Variants in GOSR2 observed in about 807,000 individuals in gnomAD.
GOSR2 encodes 27 kDa Golgi SNARE protein.
A neutral mutation model predicts 27.9 loss-of-function variants in GOSR2; 20 were observed. That is an observed-to-expected ratio of 0.72 (90% CI 0.50 to 1.04). The LOEUF (loss-of-function observed/expected upper bound fraction) is 1.04, where lower values mean the gene tolerates loss of function less well. Ranked by LOEUF, GOSR2 falls within the 50% of genes least tolerant of loss-of-function variation. The pLI, the probability that GOSR2 is intolerant of heterozygous loss-of-function variation, is 0.00. For missense variants in GOSR2, 261 were observed against 270.5 expected, an observed-to-expected ratio of 0.97 and a Z score of 0.25; for synonymous variants, 91 against 98.8, an observed-to-expected ratio of 0.92 and a Z score of 0.47.
At chr17:46,971,999 G>A (rs2091397460), downstream of GOSR2, among the ~76,000 whole-genome samples, 1 of 152,350 alleles carries the variant, frequency 6.6e-6, no homozygotes, top group Middle Eastern at 3.4e-3. Flanking sequence ...GGTAGGCAGA[G>A]GGCACAGGGC....
chr17:46,947,264 T>C (rs1233710451), intron 6 of GOSR2, among the ~76,000 whole-genome samples: 1 of 152,142 alleles, frequency 6.6e-6, no homozygotes, highest in Non-Finnish European at 1.5e-5. Context: ...GCCTCCTCTT[T>C]GGTGTATGTG....
At chr17:46,936,036 G>A (rs2088273387) in intron 5 of GOSR2, 1 of 985,804 alleles carries the variant, frequency 1.0e-6, no homozygotes, top group South Asian at 4.7e-5. Flanking sequence ...GTACGTTTCT[G>A]AACAGTCCCT....
intron 1 of GOSR2, chr17:46,923,540 C>T (rs913969526): frequency 9.1e-6 from 12 of 1,323,714 alleles, no homozygotes; most frequent in Non-Finnish European, 1.2e-5. Flanking sequence ...CTTGTCAACT[C>T]GGTGCTCCTG....
intron 6 of GOSR2, among the ~76,000 whole-genome samples, chr17:46,961,370 T>A (rs1200066664): frequency 6.6e-6 from 1 of 152,092 alleles, no homozygotes; most frequent in Non-Finnish European, 1.5e-5. Context: ...AGACCCCATC[T>A]CTACAAAAAA....
chr17:46,925,392 A>G (rs1184297248), intron 1 of GOSR2, among the ~76,000 whole-genome samples: 2 of 152,232 alleles, frequency 1.3e-5, no homozygotes, highest in Non-Finnish European at 2.9e-5. Flanking sequence ...CACCATTCTC[A>G]GTGCTGGCAG....
chr17:46,939,232 C>T lies in GOSR2; in HGVS notation c.*472C>T, dbSNP rs2147061639. 2 of 1,047,360 alleles carry T rather than the reference C, an allele frequency of 1.9e-6. No homozygotes were observed. The highest frequency in any genetic ancestry group is 2.3e-6 in the Non-Finnish European group (2 of 864,786). 64.9% of individuals were successfully genotyped at this position (1,047,360 alleles called of 1,614,324 possible). A position where few individuals can be genotyped will look rare whatever the true frequency, so the allele number is the denominator to read the frequency against. The stretch of plus-strand genomic sequence containing the variant: ...ACAGCCATTATATTAAATAGTAGGT[C>T]GATTCACATCCTCGTGCTCCTGGCC... On this transcript the variant is annotated 3_prime_UTR_variant, in exon 6 of 6. Coordinates refer to ENST00000640051, the MANE Select transcript of GOSR2 (RefSeq NM_004287.5).
intron 1 of GOSR2, among the ~76,000 whole-genome samples, chr17:46,927,756 A>G (rs1290805079): frequency 6.6e-6 from 1 of 151,876 alleles, no homozygotes; most frequent in Non-Finnish European, 1.5e-5. Flanking sequence ...TATTGTTTCC[A>G]TTGTTACTGC....
At chr17:46,973,273 T>A (rs1008109844) in intron 6 of GOSR2, among the ~76,000 whole-genome samples, 1 of 151,896 alleles carries the variant, frequency 6.6e-6, no homozygotes, top group African/African-American at 2.4e-5. Context: ...CAATCTCATA[T>A]GACAGCTGGC....
At position 46,939,984 on chromosome 17, in the gene GOSR2, A is replaced by G. The variant is rs146088780; in HGVS notation, c.*1224A>G. 54 of 1,010,432 alleles carry G rather than the reference A, an allele frequency of 5.3e-5. No individual in the cohort carries two copies. The highest frequency in any genetic ancestry group is 5.1e-4 in the Middle Eastern group (1 of 1,980). The allele number at this position is 1,010,432 out of a possible 1,614,324, so 62.6% of individuals were successfully genotyped here. On this transcript the variant is annotated 3_prime_UTR_variant, in exon 6 of 6. Coordinates refer to ENST00000640051, the MANE Select transcript of GOSR2 (RefSeq NM_004287.5). Reference sequence around the variant, plus strand: ...CATGGCAAGACATAAAATGACACTCAAAATCCTTCAGATCTGGAAACCGGC... The same window carrying G: ...CATGGCAAGACATAAAATGACACTCGAAATCCTTCAGATCTGGAAACCGGC...
At position 46,940,926 on chromosome 17, in the gene GOSR2, T is replaced by C. The variant is rs1315565826; in HGVS notation, c.*2166T>C. The C allele has an allele frequency of 4.6e-6, 6 of 1,307,816 alleles. No individual in the cohort carries two copies. Among genetic ancestry groups the C allele is most frequent in the East Asian group, 3.6e-5 (1 of 27,970 alleles). 81.0% of individuals were successfully genotyped at this position (1,307,816 alleles called of 1,614,324 possible). ...TCTGCTTTCAGTGCCTGGTGAAAAA[T>C]AGACCTTGGCCTAACAGTGTGACTC... On this transcript the variant is annotated 3_prime_UTR_variant, in exon 6 of 6. Coordinates refer to ENST00000640051, the MANE Select transcript of GOSR2 (RefSeq NM_004287.5).
intron 5 of GOSR2, chr17:46,935,479 T>C: frequency 1.5e-6 from 2 of 1,362,992 alleles, no homozygotes; most frequent in South Asian, 1.9e-5. Context: ...GGCTGAGAAA[T>C]TGTGTTACAG....
chr17:46,934,503 C>T (rs901399036), intron 4 of GOSR2, among the ~76,000 whole-genome samples: 1 of 152,132 alleles, frequency 6.6e-6, no homozygotes, highest in Non-Finnish European at 1.5e-5. Context: ...CCCTGGGTGA[C>T]AGAGGGAAAC....
intron 4 of GOSR2, among the ~76,000 whole-genome samples, chr17:46,934,778 T>C (rs557104214): frequency 2.3e-4 from 35 of 152,330 alleles, no homozygotes; most frequent in African/African-American, 8.4e-4. Context: ...GAGACAAGTA[T>C]CGTTGGAATG....
At chr17:46,929,681 A>G (rs1037540500) in intron 2 of GOSR2, 97 bp downstream of exon 2, 22 of 740,082 alleles carry the variant, frequency 3.0e-5, no homozygotes, top group East Asian at 1.8e-4. Flanking sequence ...GGGCTTAATG[A>G]TTCAGCGTGG....
chr17:46,930,858 A>G (rs2087256780), intron 2 of GOSR2: 1 of 468,124 alleles, frequency 2.1e-6, no homozygotes, highest in African/African-American at 2.0e-5. Context: ...ATTTACCTTC[A>G]GCTTTTTTAA....
intron 6 of GOSR2, among the ~76,000 whole-genome samples, chr17:46,972,813 A>G (rs772093008): frequency 1.3e-5 from 2 of 152,042 alleles, no homozygotes; most frequent in African/African-American, 2.4e-5. Context: ...CAGTCATATT[A>G]TTAGCATCTC....
chr17:46,945,977 CT>C (rs2147160952), downstream of GOSR2, among the ~76,000 whole-genome samples: 1 of 152,234 alleles, frequency 6.6e-6, no homozygotes, highest in South Asian at 2.1e-4. Context: ...TTTTTTCCCC[CT>C]GTGGCAAAGG....
intron 1 of GOSR2, chr17:46,923,858 GA>G (rs1280152621): frequency 5.0e-6 from 2 of 398,606 alleles, no homozygotes; most frequent in African/African-American, 4.1e-5. Flanking sequence ...GAATTGCTGA[GA>G]TACGTAGTTG....
rs567780640 is a variant in GOSR2 at position 46,949,811 on chromosome 17, G to A, written c.583+11107G>A. Reference sequence around the variant, plus strand: ...AGCAGAGGGAGTCATCTAGCAAAGGGGTGTGCTCTGGGAAGGGCAGGAGGA... The same window carrying A: ...AGCAGAGGGAGTCATCTAGCAAAGGAGTGTGCTCTGGGAAGGGCAGGAGGA... On this transcript the variant is annotated intron_variant, in intron 6 of 6. Coordinates refer to the GOSR2 transcript ENST00000573224. Among the ~76,000 whole-genome samples the A allele has an allele frequency of 4.6e-5, 7 of 152,274 alleles. No homozygotes were observed. In the East Asian group the frequency reaches 7.7e-4, roughly 17 times the overall value.
Sources: gnomAD v4.1 joint callset for allele counts (sites outside exome capture counted in the v4.1 genomes callset) on GRCh38, gnomAD v4.1.1 for gene constraint, MANE v1.5 for transcripts, NCBI Gene and HGNC (gene_info 2026-07-23, HGNC 2026-07-21) for gene names.